The following AFF3 variants were observed in gnomAD, a reference collection of about 807,000 sequenced individuals.
AFF3 encodes the protein ALF transcription elongation factor 3, also known as AF4/FMR2 family member 3.
Under a neutral mutation model 129.7 loss-of-function variants are expected in AFF3, and 32 were observed. That is an observed-to-expected ratio of 0.25 (90% CI 0.19 to 0.33). The LOEUF (loss-of-function observed/expected upper bound fraction) is 0.33. Among genes scored for constraint, AFF3 ranks in the 10% least tolerant of loss-of-function variants. The pLI is 1.00. For synonymous variants in AFF3, 644 were observed against 635.4 expected (o/e 1.01, Z -0.20); for missense variants, 1,373 against 1,592.0 (o/e 0.86, Z 2.34).
At chr2:99,716,698 T>C (rs1678423051) in intron 11 of AFF3, among the ~76,000 whole-genome samples, 1 of 151,720 alleles carries the variant, frequency 6.6e-6, no homozygotes, top group South Asian at 2.1e-4. Context: ...CTGGCCAACA[T>C]GGTGAAACCC....
In AFF3 at chr2:99,805,813, T is replaced by TACACACACACACACACAC. The variant is rs3072357; in HGVS notation, c.921+31646_921+31663dup. Among the ~76,000 whole-genome samples, 99 of 142,944 alleles carry TACACACACACACACACAC rather than the reference T, an allele frequency of 6.9e-4. 1 individual carries two copies. Among genetic ancestry groups the TACACACACACACACACAC allele is most frequent in the South Asian group, 2.6e-3 (11 of 4,164 alleles). The allele number at this position is 142,944 out of a possible 152,430, so 93.8% of individuals were successfully genotyped here. On this transcript the variant is annotated intron_variant, in intron 8 of 24. Transcript: ENST00000672756. ...AGGAAACATCTGCCTGCAGGAGTCT[T>TACACACACACACACACAC]ACACACACACACACACACACACACA...
intron 16 of AFF3, 66 bp from the exon 17 acceptor site, chr2:99,583,065 T>C: frequency 6.6e-7 from 1 of 1,516,144 alleles, no homozygotes. Context: ...AATGTTTTCA[T>C]ATGACCCAAA....
intron 10 of AFF3, among the ~76,000 whole-genome samples, chr2:99,733,619 G>A (rs1245716523): frequency 6.6e-6 from 1 of 152,002 alleles, no homozygotes; most frequent in East Asian, 1.9e-4. Flanking sequence ...ACCTGGATTG[G>A]TTTTTGTATA....
At chr2:99,744,077 G>C in intron 10 of AFF3, 27 bp downstream of exon 10, 2 of 1,571,476 alleles carry the variant, frequency 1.3e-6, no homozygotes, top group Non-Finnish European at 8.7e-7. Context: ...CTCCCCAGAT[G>C]AAACTCCAGA....
intron 4 of AFF3, among the ~76,000 whole-genome samples, chr2:100,033,373 A>C (rs1684665671): frequency 6.6e-6 from 1 of 152,258 alleles, no homozygotes. Context: ...TATCTGAGCT[A>C]TGATAAGCTT....
At chr2:99,882,928 C>T (rs1330271338) in intron 7 of AFF3, among the ~76,000 whole-genome samples, 10 of 152,110 alleles carry the variant, frequency 6.6e-5, no homozygotes, top group African/African-American at 9.7e-5. Flanking sequence ...TGATAGGGCC[C>T]GGTGCAGTTT....
chr2:99,928,101 C>A (rs908238877), intron 7 of AFF3, among the ~76,000 whole-genome samples: 1 of 152,200 alleles, frequency 6.6e-6, no homozygotes. Flanking sequence ...TCCCTAGCCA[C>A]GTGGAACTGT....
intron 7 of AFF3, among the ~76,000 whole-genome samples, chr2:99,871,322 A>G (rs539007752): frequency 1.3e-5 from 2 of 152,320 alleles, no homozygotes; most frequent in East Asian, 3.9e-4. Flanking sequence ...TGGACAGCAA[A>G]GTGCCTGGCA....
intron 12 of AFF3, among the ~76,000 whole-genome samples, chr2:99,656,903 G>T (rs996832597): frequency 2.0e-5 from 3 of 151,984 alleles, no homozygotes; most frequent in African/African-American, 2.4e-5. Flanking sequence ...TCTCTATAGG[G>T]GTCAGGCAGT....
At chr2:99,805,813 T>TACACACACACACACACACACACAC (rs3072357) in intron 8 of AFF3, among the ~76,000 whole-genome samples, 3 of 142,944 alleles carry the variant, frequency 2.1e-5, no homozygotes, top group South Asian at 2.4e-4. Flanking sequence ...GCAGGAGTCT[T>TACACACACACACACACACACACAC]ACACACACAC....
chr2:100,099,229 T>G (rs1573419939), intron 4 of AFF3, among the ~76,000 whole-genome samples: 1 of 151,276 alleles, frequency 6.6e-6, no homozygotes, highest in East Asian at 1.9e-4. Context: ...CTTAAAATGT[T>G]TGCTTTACTG....
chr2:99,868,373 C>A (rs1042047310), intron 7 of AFF3, among the ~76,000 whole-genome samples: 1 of 152,108 alleles, frequency 6.6e-6, no homozygotes, highest in Non-Finnish European at 1.5e-5. Context: ...ATATATTCAA[C>A]ATTAGCTGCA....
intron 12 of AFF3, among the ~76,000 whole-genome samples, chr2:99,661,322 A>G (rs971068057): frequency 2.6e-5 from 4 of 152,200 alleles, no homozygotes; most frequent in Non-Finnish European, 5.9e-5. Flanking sequence ...TCCTGAATGG[A>G]GAGTCTGTGT....
chr2:99,985,111 G>A (rs1679750482), intron 7 of AFF3, among the ~76,000 whole-genome samples: 1 of 152,190 alleles, frequency 6.6e-6, no homozygotes, highest in Non-Finnish European at 1.5e-5. Context: ...ACACAGATGT[G>A]AGGCATTTGC....
intron 8 of AFF3, among the ~76,000 whole-genome samples, chr2:99,809,822 T>C (rs1686651735): frequency 6.6e-6 from 1 of 152,242 alleles, no homozygotes; most frequent in South Asian, 2.1e-4. Context: ...TTACTCATTG[T>C]TCACTAACTC....
At chr2:100,108,908 CTTTTTTTTTTT>C (rs34769933) in intron 2 of AFF3, among the ~76,000 whole-genome samples, 3 of 88,108 alleles carry the variant, frequency 3.4e-5, no homozygotes, top group East Asian at 3.4e-4. Context: ...CATTTCTTTC[CTTTTTTTTTTT>C]TTTTTTTTTT....
At chr2:99,662,507 T>A (rs186064572) in intron 12 of AFF3, among the ~76,000 whole-genome samples, 2 of 152,286 alleles carry the variant, frequency 1.3e-5, no homozygotes, top group East Asian at 3.9e-4. Context: ...TTCCTGGCAT[T>A]GAAAATTTAC....
intron 7 of AFF3, among the ~76,000 whole-genome samples, chr2:99,880,145 G>C (rs1314561556): frequency 6.6e-6 from 1 of 152,154 alleles, no homozygotes; most frequent in Non-Finnish European, 1.5e-5. Flanking sequence ...AATTCTTGTG[G>C]GTGGTTGTTT....
intron 9 of AFF3, among the ~76,000 whole-genome samples, chr2:99,748,664 T>C (rs1049055162): frequency 2.0e-5 from 3 of 152,214 alleles, no homozygotes; most frequent in African/African-American, 7.2e-5. Context: ...TGAAACCTTC[T>C]TGACTCTAAT....
Sources: allele counts gnomAD v4.1 joint callset (sites outside exome capture counted in the v4.1 genomes callset), GRCh38; gene constraint gnomAD v4.1.1; transcripts MANE v1.5; gene names NCBI Gene and HGNC (gene_info 2026-07-23, HGNC 2026-07-21).